SRD5A3: variants seen among roughly 807,000 people sequenced by gnomAD.
SRD5A3 encodes the protein steroid 5 alpha-reductase 3.
Under a neutral mutation model 34.3 loss-of-function variants are expected in SRD5A3, and 24 were observed. That is an observed-to-expected ratio of 0.70 (90% CI 0.51 to 0.99). The LOEUF (loss-of-function observed/expected upper bound fraction) is 0.99, where lower values mean the gene tolerates loss of function less well. Ranked by LOEUF, SRD5A3 falls within the 50% of genes least tolerant of loss-of-function variation. The pLI, the probability that SRD5A3 is intolerant of heterozygous loss-of-function variation, is 0.00. For synonymous variants in SRD5A3, 161 were observed against 167.3 expected, an observed-to-expected ratio of 0.96 and a Z score of 0.29; for missense variants, 350 against 388.2, an observed-to-expected ratio of 0.90 and a Z score of 0.83.
intron 1 of SRD5A3, chr4:55,352,103 A>T: frequency 1.3e-6 from 1 of 783,654 alleles, no homozygotes. Flanking sequence ...ACAATCAGTT[A>T]TACAAGGAAT....
chr4:55,370,309 G>A lies in SRD5A3; in HGVS notation c.*218G>A, dbSNP rs546539927. Reference sequence around the variant, plus strand: ...GAATAAATACTAATGGCAGATCTGCGATTTCTGGGTCCACTTTCTGAGATG... The same window carrying A: ...GAATAAATACTAATGGCAGATCTGCAATTTCTGGGTCCACTTTCTGAGATG... On this transcript the variant is annotated 3_prime_UTR_variant, in exon 5 of 5. Coordinates refer to ENST00000264228, the MANE Select transcript of SRD5A3 (RefSeq NM_024592.5). 17 of 622,512 alleles carry A rather than the reference G, an allele frequency of 2.7e-5. No homozygotes were observed. Among genetic ancestry groups the A allele is most frequent in the Admixed American group, 9.2e-5 (3 of 32,496 alleles). 38.6% of individuals were successfully genotyped at this position (622,512 alleles called of 1,614,324 possible).
At chr4:55,369,753 TA>T in intron 4 of SRD5A3, 78 bp from the exon 5 acceptor site, 1 of 1,549,470 alleles carries the variant, frequency 6.5e-7, no homozygotes, top group Non-Finnish European at 8.8e-7. Context: ...AAAAATTCTG[TA>T]AATGATTTGC....
Position 55,370,431 on chromosome 4 carries a change from T to A in SRD5A3, c.*340T>A, listed in dbSNP as rs1393815556. 1 of 224,510 alleles carries A rather than the reference T, an allele frequency of 4.5e-6. No individual in the cohort carries two copies. The allele number at this position is 224,510 out of a possible 1,614,324, so 13.9% of individuals were successfully genotyped here. Reference sequence around the variant, plus strand: ...AAAAACCGAAAATATACAAACAGCTTCACACACACACACACACACACACAC... The same window carrying A: ...AAAAACCGAAAATATACAAACAGCTACACACACACACACACACACACACAC... On this transcript the variant is annotated 3_prime_UTR_variant, in exon 5 of 5. Coordinates refer to ENST00000264228, the MANE Select transcript of SRD5A3 (RefSeq NM_024592.5).
intron 1 of SRD5A3, among the ~76,000 whole-genome samples, chr4:55,358,443 C>T (rs965018624): frequency 6.8e-6 from 1 of 146,728 alleles, no homozygotes; most frequent in Non-Finnish European, 1.5e-5. Flanking sequence ...AGCTGCGGTG[C>T]GAGGATCACT....
chr4:55,353,742 C>G (rs1719307453), intron 1 of SRD5A3, among the ~76,000 whole-genome samples: 1 of 152,172 alleles, frequency 6.6e-6, no homozygotes, highest in African/African-American at 2.4e-5. Flanking sequence ...CTGTAACACT[C>G]ACTGCCGAGG....
In SRD5A3 at chr4:55,364,487, G is replaced by A. The variant is rs1719802161; in HGVS notation, c.562+216G>A. ...CCACTTTGGGAGGCTGAGGCAGGTG[G>A]ATCACTTGAGGCCAGGAGTTCGAGA... On this transcript the variant is annotated intron_variant, in intron 3 of 4. Coordinates refer to ENST00000264228, the MANE Select transcript of SRD5A3 (RefSeq NM_024592.5). 7.0e-6 allele frequency: 4 copies of A among 571,544 alleles called. No homozygotes were observed. In the African/African-American group the frequency reaches 7.5e-5, roughly 11 times the overall value. 35.4% of individuals were successfully genotyped at this position (571,544 alleles called of 1,614,324 possible). A position where few individuals can be genotyped will look rare whatever the true frequency, so the allele number is the denominator to read the frequency against.
chr4:55,363,101 A>G (rs1392387798), intron 2 of SRD5A3, among the ~76,000 whole-genome samples: 3 of 150,564 alleles, frequency 2.0e-5, no homozygotes, highest in Non-Finnish European at 3.0e-5. Flanking sequence ...CCCGCCTCCA[A>G]CTCCCAAAGT....
rs116609984 is a variant in SRD5A3, at chr4:55,364,368, G to A, written c.562+97G>A. On this transcript the variant is annotated intron_variant, in intron 3 of 4. Coordinates refer to ENST00000264228, the MANE Select transcript of SRD5A3 (RefSeq NM_024592.5). The stretch of plus-strand genomic sequence containing the variant: ...GCTAAGCATTATGAGACATGCAGAA[G>A]TAAGAGACAGGCCCAATGCATTTTG... 3.9e-3 allele frequency: 5,336 copies of A among 1,361,224 alleles called. 156 individuals are homozygous for A. The African/African-American group carries it at 0.066, about 17-fold the overall frequency. The allele number at this position is 1,361,224 out of a possible 1,614,324, so 84.3% of individuals were successfully genotyped here. A position where few individuals can be genotyped will look rare whatever the true frequency, so the allele number is the denominator to read the frequency against.
In SRD5A3 at chr4:55,370,853, A is replaced by C. The variant is rs1253150587; in HGVS notation, c.*762A>C. 6.6e-6 allele frequency: 1 copy of C among 152,222 alleles called. No individual in the cohort carries two copies. Among genetic ancestry groups the C allele is most frequent in the South Asian group, 2.1e-4 (1 of 4,834 alleles). The allele number at this position is 152,222 out of a possible 1,614,324, so 9.4% of individuals were successfully genotyped here. A position where few individuals can be genotyped will look rare whatever the true frequency, so the allele number is the denominator to read the frequency against. On this transcript the variant is annotated 3_prime_UTR_variant, in exon 5 of 5. Transcript: ENST00000264228. ...AGCCGAGGTCATGCCACTGCACTCCAGCCTGGCCTGGGCAACAGAGCAAGA... is the reference window on the plus strand; with the variant it reads ...AGCCGAGGTCATGCCACTGCACTCCCGCCTGGCCTGGGCAACAGAGCAAGA...
At chr4:55,351,824 G>T (rs1447854943) in intron 1 of SRD5A3, 7 of 524,732 alleles carry the variant, frequency 1.3e-5, no homozygotes, top group Non-Finnish European at 2.6e-5. Context: ...AGAATCAAGG[G>T]GCTCCATAAT....
intron 3 of SRD5A3, chr4:55,364,724 A>AG (rs1560372205): frequency 4.2e-5 from 8 of 190,312 alleles, no homozygotes. Flanking sequence ...TCAAAAAAAA[A>AG]GAAAAGAAAA....
chr4:55,350,352 A>G (rs747970336), intron 1 of SRD5A3, among the ~76,000 whole-genome samples: 15 of 152,208 alleles, frequency 9.9e-5, no homozygotes, highest in Non-Finnish European at 2.1e-4. Flanking sequence ...CCTGGGTGAC[A>G]AGATTGAAAC....
chr4:55,349,852 T>C (rs1301471785), intron 1 of SRD5A3, among the ~76,000 whole-genome samples: 1 of 152,154 alleles, frequency 6.6e-6, no homozygotes, highest in African/African-American at 2.4e-5. Context: ...TGAAAGAAAG[T>C]TATGTCTTTA....
chr4:55,350,425 A>G (rs1394151735), intron 1 of SRD5A3, among the ~76,000 whole-genome samples: 1 of 152,206 alleles, frequency 6.6e-6, no homozygotes, highest in African/African-American at 2.4e-5. Flanking sequence ...TAGTAGTTGC[A>G]TTACTTGTAT....
chr4:55,365,252 A>G (rs75876517), intron 3 of SRD5A3, among the ~76,000 whole-genome samples: 4,794 of 152,198 alleles, frequency 0.031, 245 homozygotes, highest in African/African-American at 0.11. Context: ...GATTTCCAAC[A>G]ATCTGTGAGT....
At chr4:55,360,364 G>T (rs1719635822) in intron 2 of SRD5A3, among the ~76,000 whole-genome samples, 1 of 151,802 alleles carries the variant, frequency 6.6e-6, no homozygotes, top group Admixed American at 6.6e-5. Context: ...AAAATAGCTG[G>T]GTGTGGTGGC....
At chr4:55,352,160 T>G in intron 1 of SRD5A3, 1 of 871,648 alleles carries the variant, frequency 1.1e-6, no homozygotes, top group Middle Eastern at 2.2e-4. Context: ...TAAGTCTGGT[T>G]TGGCTTTTAT....
intron 1 of SRD5A3, among the ~76,000 whole-genome samples, chr4:55,356,008 T>TA (rs1719445850): frequency 1.4e-5 from 2 of 139,088 alleles, no homozygotes; most frequent in Non-Finnish European, 3.1e-5. Context: ...CCATTTTTTT[T>TA]TTTTTTTTTT....
chr4:55,361,664 C>T (rs553756960), intron 2 of SRD5A3, among the ~76,000 whole-genome samples: 6 of 151,926 alleles, frequency 3.9e-5, no homozygotes, highest in East Asian at 3.9e-4. Context: ...ATTAGCGGGA[C>T]GTGGTGGCGC....
Sources: allele counts gnomAD v4.1 joint callset (sites outside exome capture counted in the v4.1 genomes callset), GRCh38; gene constraint gnomAD v4.1.1; transcripts MANE v1.5; gene names NCBI Gene and HGNC (gene_info 2026-07-23, HGNC 2026-07-21).